Variants in AFTPH observed in about 807,000 individuals in gnomAD.
AFTPH encodes aftiphilin protein.
Under a neutral mutation model 72.5 loss-of-function variants are expected in AFTPH, and 7 were observed. That is an observed-to-expected ratio of 0.10 (90% CI 0.05 to 0.18). The LOEUF is 0.18. AFTPH is among the 10% of genes least tolerant of loss of function. AFTPH has a pLI of 1.00. For synonymous variants in AFTPH, 337 were observed against 370.1 expected, an observed-to-expected ratio of 0.91 and a Z score of 1.03; for missense variants, 979 against 1,060.5, an observed-to-expected ratio of 0.92 and a Z score of 1.07.
At chr2:64,563,914 A>C (rs1573000506) in intron 2 of AFTPH, among the ~76,000 whole-genome samples, 2 of 152,188 alleles carry the variant, frequency 1.3e-5, no homozygotes, top group East Asian at 3.9e-4. Flanking sequence ...CTGAGAAGCA[A>C]AGTATTCTTA....
At chr2:64,567,439 T>C (rs1672153912) in intron 2 of AFTPH, 123 bp from the exon 3 acceptor site, 10 of 962,404 alleles carry the variant, frequency 1.0e-5, no homozygotes, top group Non-Finnish European at 1.5e-5. Flanking sequence ...CAGTGTTTTC[T>C]GATGGTTCTC....
At chr2:64,532,627 C>T (rs1161622138) in intron 1 of AFTPH, among the ~76,000 whole-genome samples, 1 of 152,164 alleles carries the variant, frequency 6.6e-6, no homozygotes, top group Non-Finnish European at 1.5e-5. Context: ...TGGAACATGA[C>T]CAGCTTTAAG....
intron 7 of AFTPH, 92 bp downstream of exon 8, chr2:64,581,365 T>C (rs1339717936): frequency 2.0e-6 from 2 of 997,870 alleles, no homozygotes; most frequent in Non-Finnish European, 2.9e-6. Flanking sequence ...AACAAGTAGA[T>C]TGTATTCTCT....
intron 2 of AFTPH, among the ~76,000 whole-genome samples, chr2:64,554,504 T>C (rs1671242204): frequency 6.6e-6 from 1 of 152,240 alleles, no homozygotes; most frequent in Non-Finnish European, 1.5e-5. Context: ...AAAACCATTT[T>C]CAACTGGAAA....
At chr2:64,575,966 T>A (rs1452677729) in intron 6 of AFTPH, among the ~76,000 whole-genome samples, 4 of 151,644 alleles carry the variant, frequency 2.6e-5, no homozygotes, top group Admixed American at 6.6e-5. Context: ...CTCCAACTCC[T>A]GACCTCAAGT....
chr2:64,583,581 A>C (rs1673336994), intron 7 of AFTPH, among the ~76,000 whole-genome samples: 1 of 152,106 alleles, frequency 6.6e-6, no homozygotes, highest in Admixed American at 6.5e-5. Flanking sequence ...TGCCTTATAC[A>C]CTAGACAGCA....
chr2:64,564,624 AAAATAAAAAATAAAAT>A (rs1218193148), intron 2 of AFTPH, among the ~76,000 whole-genome samples: 8 of 146,114 alleles, frequency 5.5e-5, no homozygotes, highest in South Asian at 4.3e-4. Flanking sequence ...AAAAAAATAA[AAAATAAAAAATAAAAT>A]AAATAAATGC....
At chr2:64,572,920 A>AT in intron 5 of AFTPH, 26 bp from the exon 6 acceptor site, 5 of 1,613,776 alleles carry the variant, frequency 3.1e-6, no homozygotes, top group Non-Finnish European at 4.2e-6. Context: ...CCCCATCCCC[A>AT]TTAAAGGCTA....
At chr2:64,562,186 T>C (rs956240350) in intron 2 of AFTPH, among the ~76,000 whole-genome samples, 17 of 152,082 alleles carry the variant, frequency 1.1e-4, no homozygotes, top group Non-Finnish European at 7.4e-5. Flanking sequence ...CATAATATGG[T>C]ATATGGGAGA....
At chr2:64,544,565 C>G (rs1461030412) in intron 1 of AFTPH, among the ~76,000 whole-genome samples, 1 of 151,782 alleles carries the variant, frequency 6.6e-6, no homozygotes, top group Non-Finnish European at 1.5e-5. Flanking sequence ...AGACACAGTA[C>G]TAAAGTAGCT....
Position 64,553,288 on chromosome 2 carries a change from C to T in AFTPH, c.1814C>T (p.Ser605Leu), listed in dbSNP as rs989958765. Reference sequence around the variant, plus strand: ...CATCATCGAAAGGAAGCCTGGCAGTCACATAGGACAGATGAAAATATTGAT... The same window carrying T: ...CATCATCGAAAGGAAGCCTGGCAGTTACATAGGACAGATGAAAATATTGAT... Residue 605 changes from serine to leucine, a missense_variant, in exon 2 of 9, where the codon TCA (serine) becomes TTA (leucine). Physicochemically the swap from Ser to Leu is moderately radical, Grantham distance 145. This residue lies in a region of AFTPH where 438 missense variants were observed against 530.0 expected (regional missense o/e 0.83). Transcript: ENST00000238856. The T allele has an allele frequency of 1.7e-5, 28 of 1,613,958 alleles. No homozygotes were observed. The highest frequency in any genetic ancestry group is 2.3e-5 in the Non-Finnish European group (27 of 1,180,010).
At chr2:64,553,478 C>A (rs538025194) in intron 2 of AFTPH, 69 bp downstream of exon 2, 5 of 1,468,470 alleles carry the variant, frequency 3.4e-6, no homozygotes, top group East Asian at 4.7e-5. Flanking sequence ...TTCAGCTTTT[C>A]AAAAAATATT....
chr2:64,573,061 A>C (rs758442042), exon 6 of AFTPH: 1 of 1,613,724 alleles, frequency 6.2e-7, no homozygotes, highest in Non-Finnish European at 8.5e-7. Flanking sequence ...ACATCTGATC[A>C]GTTCCAGGTA....
At chr2:64,565,847 T>G (rs1230709044) in intron 2 of AFTPH, among the ~76,000 whole-genome samples, 1 of 152,230 alleles carries the variant, frequency 6.6e-6, no homozygotes, top group Non-Finnish European at 1.5e-5. Flanking sequence ...CCATTCAACT[T>G]ACATCCTTTT....
At chr2:64,539,577 T>G (rs1036528254) in intron 1 of AFTPH, among the ~76,000 whole-genome samples, 1 of 152,334 alleles carries the variant, frequency 6.6e-6, no homozygotes, top group Middle Eastern at 3.4e-3. Flanking sequence ...GGTGTGGTTA[T>G]AGAAATCTAA....
chr2:64,551,927 T>C (rs1480838084), exon 2 of AFTPH: 53 of 1,613,480 alleles, frequency 3.3e-5, no homozygotes, highest in Non-Finnish European at 4.3e-5. Context: ...AAAGTTTCTC[T>C]CCAGGAGATT....
At chr2:64,525,126 G>A (rs1490274763) in intron 1 of AFTPH, among the ~76,000 whole-genome samples, 1 of 152,244 alleles carries the variant, frequency 6.6e-6, no homozygotes, top group Non-Finnish European at 1.5e-5. Context: ...TCCTCCAACA[G>A]GCAGAGGGGA....
At chr2:64,578,366 T>TACAGGTTATTTTAACACCATC (rs1672949831) in intron 6 of AFTPH, among the ~76,000 whole-genome samples, 1 of 152,098 alleles carries the variant, frequency 6.6e-6, no homozygotes, top group South Asian at 2.1e-4. Flanking sequence ...TCTAATAAAA[T>TACAGGTTATTTTAACACCATC]ACAGGTTATT....
rs149538824 is a variant in AFTPH at position 64,553,519 on chromosome 2, C to T, written c.1935+110C>T. The T allele has an allele frequency of 4.5e-3, 5,456 of 1,202,536 alleles. 52 individuals are homozygous for T. The highest frequency in any genetic ancestry group is 3.6e-3 in the Non-Finnish European group (3,271 of 900,310). The allele number at this position is 1,202,536 out of a possible 1,614,324, so 74.5% of individuals were successfully genotyped here. On this transcript the variant is annotated intron_variant, in intron 2 of 8. Coordinates refer to ENST00000238856, the Ensembl canonical transcript of AFTPH. ...AACTGAGTACTTGTTAAAGGAGTCT[C>T]GTTATGATGTATAATGCCTGTCTGA... is the stretch of plus-strand genomic sequence containing the variant.
Sources: gnomAD v4.1 joint callset for allele counts (sites outside exome capture counted in the v4.1 genomes callset) on GRCh38, gnomAD v4.1.1 for gene constraint, gnomAD v4.1.1 regional missense constraint, MANE v1.5 for transcripts, NCBI Gene and HGNC (gene_info 2026-07-23, HGNC 2026-07-21) for gene names.